Variants in FERMT3 observed in about 807,000 individuals in gnomAD.
FERMT3 encodes the protein fermitin family homolog 3.
In FERMT3, 33 loss-of-function variants were observed where a neutral mutation model predicts 80.8. The observed-to-expected ratio is 0.41, with a 90% CI of 0.31 to 0.55. The LOEUF is 0.55. Ranked by LOEUF, FERMT3 falls within the 20% of genes least tolerant of loss-of-function variation. The pLI, the probability that FERMT3 is intolerant of heterozygous loss-of-function variation, is 0.31. For missense variants in FERMT3, 754 were observed against 908.7 expected (o/e 0.83, Z 2.19); for synonymous variants, 375 against 372.2 (o/e 1.01, Z -0.09).
chr11:64,223,211 A>G, intron 14 of FERMT3, 22 bp downstream of exon 14: 5 of 1,613,620 alleles, frequency 3.1e-6, no homozygotes, highest in Non-Finnish European at 4.2e-6. Flanking sequence ...CCCAGGGTAT[A>G]TGGATGGGGG....
intron 13 of FERMT3, 94 bp downstream of exon 13, chr11:64,221,234 G>A (rs538926744): frequency 7.5e-7 from 1 of 1,330,694 alleles, no homozygotes; most frequent in African/African-American, 1.4e-5. Context: ...GTAGGTTCTG[G>A]ACAGGCACCC....
Position 64,220,684 on chromosome 11 carries a change from CAG to C in FERMT3, c.1545+16_1545+17del. 1 of 1,600,458 alleles carries C rather than the reference CAG, an allele frequency of 6.2e-7. No individual in the cohort carries two copies. The highest frequency in any genetic ancestry group is 1.1e-5 in the South Asian group (1 of 89,688). Reference sequence around the variant, plus strand: ...AGGCCAAGCAGGTACCAGAAGGCGTCAGGGTGGGAATGAGCATAGTGTTTACC... The same window carrying C: ...AGGCCAAGCAGGTACCAGAAGGCGTCGGTGGGAATGAGCATAGTGTTTACC... On this transcript the variant is annotated intron_variant, in intron 12 of 14. Transcript: ENST00000345728.
At position 64,220,667 on chromosome 11, in the gene FERMT3, C is replaced by T; in HGVS notation, c.1543C>T (p.Gln515Ter). 1 of 1,609,844 alleles carries T rather than the reference C, an allele frequency of 6.2e-7. No homozygotes were observed. The highest frequency in any genetic ancestry group is 8.5e-7 in the Non-Finnish European group (1 of 1,178,374). Reference sequence around the variant, plus strand: ...TTTCCAGCGAAAGTTCAAGGCCAAGCAGGTACCAGAAGGCGTCAGGGTGGG... The same window carrying T: ...TTTCCAGCGAAAGTTCAAGGCCAAGTAGGTACCAGAAGGCGTCAGGGTGGG... ...PRFQRKFKAK[Q>*]LTPRILEAHQ... Residue 515 changes from glutamine (Q) to a stop codon, truncating the protein, a stop_gained and splice_region_variant, in exon 12 of 15, where the codon CAG (glutamine) becomes TAG (stop). Transcript: ENST00000345728. LOFTEE classifies it high-confidence loss of function.
chr11:64,216,067 A>G (rs545956954), intron 6 of FERMT3, among the ~76,000 whole-genome samples: 7 of 151,112 alleles, frequency 4.6e-5, no homozygotes, highest in Admixed American at 4.6e-4. Context: ...CCTGACCTCA[A>G]ATGATCCGCC....
chr11:64,220,552 G>C lies in FERMT3; in HGVS notation c.1428G>C (p.Gln476His). 1 of 1,607,588 alleles carries C rather than the reference G, an allele frequency of 6.2e-7. No individual in the cohort carries two copies. Among genetic ancestry groups the C allele is most frequent in the Non-Finnish European group, 8.5e-7 (1 of 1,177,436 alleles). Residue 476 changes from glutamine to histidine, a missense_variant, in exon 12 of 15, where the codon CAG becomes CAC. Gln to His is a conservative substitution (Grantham distance 24). Transcript: ENST00000345728. ...CCATCCTGGCCTTCCTCAGCCTGCA[G>C]CGCACGGGCAGTGGGGGCCCGGGCA... ...VQAILAFLSL[Q>H]RTGSGGPGNH... is the part of the protein sequence containing the mutation.
At chr11:64,206,039 G>T (rs1003303943), upstream of FERMT3, among the ~76,000 whole-genome samples, 1 of 152,194 alleles carries the variant, frequency 6.6e-6, no homozygotes, top group Non-Finnish European at 1.5e-5. Flanking sequence ...TGTCACCTAA[G>T]CAGGGACTTG....
chr11:64,206,329 C>T (rs1946310216), upstream of FERMT3, among the ~76,000 whole-genome samples: 1 of 152,170 alleles, frequency 6.6e-6, no homozygotes. Context: ...ACCTGTGAGT[C>T]CCAAATAACC....
Position 64,220,023 on chromosome 11 carries a change from C to T in FERMT3, c.1204+8C>T, listed in dbSNP as rs376444315. ...AGCAGCTCAACCTCAAGGGTAAGTG[C>T]ACAGGGCCAGGGGCTGGGTGGGGGG... On this transcript the variant is annotated splice_region_variant and intron_variant, in intron 10 of 14. Coordinates refer to ENST00000345728, the MANE Select transcript of FERMT3 (RefSeq NM_031471.6). 1 of 1,613,252 alleles carries T rather than the reference C, an allele frequency of 6.2e-7. No homozygotes were observed. The highest frequency in any genetic ancestry group is 1.3e-5 in the African/African-American group (1 of 74,886).
At position 64,223,183 on chromosome 11, in the gene FERMT3, C is replaced by A; in HGVS notation, c.1806C>A (p.Ile602=). 1 of 1,613,814 alleles carries A rather than the reference C, an allele frequency of 6.2e-7. No individual in the cohort carries two copies. Among genetic ancestry groups the A allele is most frequent in the Non-Finnish European group, 8.5e-7 (1 of 1,180,044 alleles). Residue 602 remains isoleucine (I), a synonymous_variant, in exon 14 of 15, where the codon ATC becomes ATA. Transcript: ENST00000345728. The part of the protein sequence containing the change: ...NMRQWNVNWD[I]RQVAIEFDEH... ...GCCAGTGGAATGTCAACTGGGACAT[C>A]CGGCAGGTGGGCCCAGACCCAGGGT...
chr11:64,206,446 C>T (rs1432425789), upstream of FERMT3, among the ~76,000 whole-genome samples: 1 of 152,244 alleles, frequency 6.6e-6, no homozygotes, highest in Admixed American at 6.5e-5. Flanking sequence ...AGACACTTCC[C>T]ACAAAAGTGG....
At chr11:64,220,988 G>A in intron 12 of FERMT3, 28 bp from the exon 13 acceptor site, 1 of 1,606,718 alleles carries the variant, frequency 6.2e-7, no homozygotes. Context: ...ATAGTGCCTG[G>A]CAGCCCGTCA....
At chr11:64,216,382 G>T (rs1277537982) in intron 6 of FERMT3, among the ~76,000 whole-genome samples, 1 of 150,126 alleles carries the variant, frequency 6.7e-6, no homozygotes, top group Non-Finnish European at 1.5e-5. Context: ...TGTATTTTTA[G>T]TAGAGACGGG....
At chr11:64,205,934 G>A (rs1040907895), upstream of FERMT3, among the ~76,000 whole-genome samples, 6 of 152,238 alleles carry the variant, frequency 3.9e-5, no homozygotes, top group East Asian at 1.9e-4. Context: ...GCTGTCCTGC[G>A]CAGAGCTGGT....
At chr11:64,207,050 G>A (rs1363512032) in intron 1 of FERMT3, among the ~76,000 whole-genome samples, 3 of 152,226 alleles carry the variant, frequency 2.0e-5, no homozygotes, top group Non-Finnish European at 4.4e-5. Flanking sequence ...GGAGTGAGCT[G>A]TGGGCTGGCA....
At chr11:64,213,421 G>A (rs1946484515) in intron 6 of FERMT3, among the ~76,000 whole-genome samples, 1 of 138,422 alleles carries the variant, frequency 7.2e-6, no homozygotes, top group Non-Finnish European at 1.6e-5. Context: ...GGTAATAGGA[G>A]TGTATTTTTT....
In FERMT3 at chr11:64,223,033, C is replaced by G. The variant is rs78324705; in HGVS notation, c.1671-15C>G. Reference sequence around the variant, plus strand: ...AGGGTGGAGCCCTGGCTCACTCTCTCTCCCTGGGGGCCAGGTTCAAGGGCA... The same window carrying G: ...AGGGTGGAGCCCTGGCTCACTCTCTGTCCCTGGGGGCCAGGTTCAAGGGCA... On this transcript the variant is annotated splice_polypyrimidine_tract_variant and intron_variant, in intron 13 of 14. Transcript: ENST00000345728. 0.069 allele frequency: 111,332 copies of G among 1,613,134 alleles called. 4,524 individuals are homozygous for G. The highest frequency in any genetic ancestry group is 0.14 in the Admixed American group (8,614 of 60,026).
intron 6 of FERMT3, among the ~76,000 whole-genome samples, chr11:64,217,474 G>A (rs1362911927): frequency 1.3e-5 from 2 of 152,220 alleles, no homozygotes; most frequent in Admixed American, 6.5e-5. Flanking sequence ...GCTTGAACCC[G>A]GGAGGCGGAG....
At position 64,211,017 on chromosome 11, in the gene FERMT3, G is replaced by A; in HGVS notation, c.395-35G>A. ...GGGTGAGGTGGGGAGGCTGCAGCAG[G>A]ACCTAGTCCCCGCTGAGACCCTAGC... On this transcript the variant is annotated intron_variant, in intron 3 of 14. Coordinates refer to ENST00000345728, the MANE Select transcript of FERMT3 (RefSeq NM_031471.6). This position sits in a 1 kb window ranked among gnomAD's most constrained non-coding sequence, Gnocchi z 4.7. The A allele has an allele frequency of 6.2e-7, 1 of 1,608,130 alleles. No homozygotes were observed. The highest frequency in any genetic ancestry group is 8.5e-7 in the Non-Finnish European group (1 of 1,177,624).
intron 2 of FERMT3, among the ~76,000 whole-genome samples, chr11:64,208,423 G>A (rs966939084): frequency 1.3e-5 from 2 of 152,208 alleles, no homozygotes; most frequent in Admixed American, 6.5e-5. Context: ...GACAGACCCC[G>A]CTGCTCTACC....
Sources: gnomAD v4.1 joint callset for allele counts (sites outside exome capture counted in the v4.1 genomes callset) on GRCh38, gnomAD v4.1.1 for gene constraint, Gnocchi (gnomAD v3.1) non-coding constraint, MANE v1.5 for transcripts, NCBI Gene and HGNC (gene_info 2026-07-23, HGNC 2026-07-21) for gene names.